The following IGDCC4 variants were observed in gnomAD, a reference collection of about 807,000 sequenced individuals.
The protein encoded by IGDCC4 is likely ortholog of mouse neighbor of Punc E11.
IGDCC4 carries 72 observed loss-of-function variants against 116.6 expected under a neutral mutation model. The observed-to-expected ratio is 0.62, with a 90% CI of 0.51 to 0.75. The LOEUF (loss-of-function observed/expected upper bound fraction) is 0.75, where lower values mean the gene tolerates loss of function less well. IGDCC4 is among the 30% of genes least tolerant of loss of function. The pLI is 0.00. For missense variants in IGDCC4, 1,501 were observed against 1,662.4 expected, an observed-to-expected ratio of 0.90 and a Z score of 1.69; for synonymous variants, 709 against 719.9, an observed-to-expected ratio of 0.98 and a Z score of 0.24.
rs546708561 is a variant in IGDCC4, at chr15:65,384,276, C to T, written c.3486G>A (p.Glu1162=). Residue 1162 remains glutamate, a synonymous_variant, in exon 20 of 20, where the codon GAG becomes GAA. Coordinates refer to ENST00000352385, the MANE Select transcript of IGDCC4 (RefSeq NM_020962.3). The surrounding 1 kb of genome is among the most constrained non-coding windows in gnomAD (Gnocchi z 4.9). The part of the protein sequence containing the change: ...DLEPEDPLPP[E]APDLISGVGD... ...CAACACCCGAGATGAGATCAGGAGC[C>T]TCTGGAGGCAGGGGGTCCTCAGGCT... 6 of 1,607,382 alleles carry T rather than the reference C, an allele frequency of 3.7e-6. No homozygotes were observed. Among genetic ancestry groups the T allele is most frequent in the African/African-American group, 1.3e-5 (1 of 74,854 alleles).
At position 65,385,911 on chromosome 15, in the gene IGDCC4, A is replaced by T. The variant is rs368294321; in HGVS notation, c.3100T>A (p.Ser1034Thr). The T allele has an allele frequency of 6.2e-7, 1 of 1,606,658 alleles. No individual in the cohort carries two copies. The highest frequency in any genetic ancestry group is 1.4e-5 in the African/African-American group (1 of 73,038). The change falls in exon 18 of 20, where the codon TCA becomes ACA. Residue 1034 changes from serine (S) to threonine (T), a missense_variant. Physicochemically the swap from Ser to Thr is moderately conservative, Grantham distance 58. Around this residue, in one of 3 missense-constraint regions of IGDCC4, gnomAD observed 368 missense variants for 355.6 expected, o/e 1.03. Coordinates refer to ENST00000352385, the MANE Select transcript of IGDCC4 (RefSeq NM_020962.3). ...ACTTCAGCCCTGTCCTCCACGTCTGAGGGTGGCGGGGACCAGTCCTGGGGA... is the reference window on the plus strand; with the variant it reads ...ACTTCAGCCCTGTCCTCCACGTCTGTGGGTGGCGGGGACCAGTCCTGGGGA... ...PHPQDWSPPP[S>T]DVEDRAEVHS...
In IGDCC4 at chr15:65,385,984, G is replaced by A; in HGVS notation, c.3027C>T (p.Pro1009=). The A allele has an allele frequency of 2.5e-6, 4 of 1,599,776 alleles. No homozygotes were observed. The highest frequency in any genetic ancestry group is 3.4e-6 in the Non-Finnish European group (4 of 1,173,616). ...ATTCATGGGCAGCTGGGGGGCTGGG[G>A]GGGCCAAGCCGAGCTCTGGAGTACA... The part of the protein sequence containing the change: ...PALYSRARLG[P]PSPPAAHELE... Residue 1009 remains proline, a synonymous_variant, in exon 18 of 20, where the codon CCC becomes CCT. Transcript: ENST00000352385.
At position 65,395,746 on chromosome 15, in the gene IGDCC4, G is replaced by T. The variant is rs372081745; in HGVS notation, c.1411+4C>A. On this transcript the variant is annotated splice_donor_region_variant and intron_variant, in intron 7 of 19. Transcript: ENST00000352385. ...CTGGTGCATCCCGCCCCAGGCCGAC[G>T]TACCCCGTGCCTTCTGGTAGTGGAG... The T allele has an allele frequency of 7.0e-7, 1 of 1,435,920 alleles. No homozygotes were observed. The highest frequency in any genetic ancestry group is 2.8e-5 in the East Asian group (1 of 36,070). 88.9% of individuals were successfully genotyped at this position (1,435,920 alleles called of 1,614,324 possible). A position where few individuals can be genotyped will look rare whatever the true frequency, so the allele number is the denominator to read the frequency against.
intron 5 of IGDCC4, among the ~76,000 whole-genome samples, chr15:65,399,260 C>T (rs892680548): frequency 1.3e-5 from 2 of 151,938 alleles, no homozygotes; most frequent in African/African-American, 2.4e-5. Context: ...TGTTTAAGCC[C>T]AGGAGTTTGA....
chr15:65,400,567 T>C (rs2062974144), intron 5 of IGDCC4, among the ~76,000 whole-genome samples: 1 of 152,168 alleles, frequency 6.6e-6, no homozygotes, highest in Non-Finnish European at 1.5e-5. Context: ...GTTCTGTAAG[T>C]GGCAGCTTGG....
At chr15:65,411,424 G>T in intron 1 of IGDCC4, 54 bp from the exon 2 acceptor site, 1 of 1,431,202 alleles carries the variant, frequency 7.0e-7, no homozygotes, top group Non-Finnish European at 9.3e-7. Context: ...ACCTCCCACA[G>T]CCTCTGCTCC....
Position 65,392,119 on chromosome 15 carries a change from C to A in IGDCC4, c.2122+15G>T. 1 of 1,564,628 alleles carries A rather than the reference C, an allele frequency of 6.4e-7. No homozygotes were observed. The highest frequency in any genetic ancestry group is 2.3e-5 in the East Asian group (1 of 44,242). ...AGCTACATCCCTCCCTCCCCCTCCC[C>A]CCAGCCCTCCTCACCTAGCTGGGTC... On this transcript the variant is annotated intron_variant, in intron 11 of 19. Coordinates refer to ENST00000352385, the MANE Select transcript of IGDCC4 (RefSeq NM_020962.3).
At chr15:65,405,035 G>A (rs1476023569) in intron 3 of IGDCC4, among the ~76,000 whole-genome samples, 2 of 150,942 alleles carry the variant, frequency 1.3e-5, no homozygotes, top group East Asian at 3.9e-4. Flanking sequence ...CTGGGTGGCA[G>A]AGTGAGTCCC....
Position 65,395,894 on chromosome 15 carries a change from C to T in IGDCC4, c.1267G>A (p.Val423Met), listed in dbSNP as rs141421172. The T allele has an allele frequency of 1.9e-6, 3 of 1,589,964 alleles. No homozygotes were observed. In the South Asian group the frequency reaches 3.4e-5, roughly 18 times the overall value. ...GCGCTGGGCAGCCCCTCGCGCACCA[C>T]CACGGCCAGCGACGCGGCAGCGCAC... Reference protein sequence around the residue: ...MACAAASLAVVVREGLPSAPT... With the variant: ...MACAAASLAVMVREGLPSAPT... The change falls in exon 7 of 20, where the codon GTG (valine) becomes ATG (methionine). Residue 423 changes from valine (V) to methionine (M), a missense_variant. Val to Met is a conservative substitution (Grantham distance 21, BLOSUM62 1). Around this residue, in one of 3 missense-constraint regions of IGDCC4, gnomAD observed 898 missense variants for 978.9 expected, o/e 0.92. Coordinates refer to ENST00000352385, the MANE Select transcript of IGDCC4 (RefSeq NM_020962.3).
chr15:65,383,846 T>C lies in IGDCC4; in HGVS notation c.*163A>G, dbSNP rs1006873526. 4 of 555,682 alleles carry C rather than the reference T, an allele frequency of 7.2e-6. No homozygotes were observed. In the African/African-American group the frequency reaches 7.6e-5, roughly 11 times the overall value. 34.4% of individuals were successfully genotyped at this position (555,682 alleles called of 1,614,324 possible). The stretch of plus-strand genomic sequence containing the variant: ...TGTATCACAAAGAGTATGGGGGGAG[T>C]GAATAATCCATGTTTTCCTCTCCCC... On this transcript the variant is annotated 3_prime_UTR_variant, in exon 20 of 20. Transcript: ENST00000352385.
intron 1 of IGDCC4, among the ~76,000 whole-genome samples, chr15:65,418,709 G>T (rs2063165003): frequency 6.6e-6 from 1 of 152,170 alleles, no homozygotes; most frequent in South Asian, 2.1e-4. Context: ...CTCCCTCAGA[G>T]CCATGCTTAC....
chr15:65,410,380 G>T, intron 2 of IGDCC4, 61 bp from the exon 3 acceptor site: 1 of 1,596,428 alleles, frequency 6.3e-7, no homozygotes, highest in Non-Finnish European at 8.6e-7. Flanking sequence ...GCCACAGCAA[G>T]CACAAACAGT....
intron 1 of IGDCC4, among the ~76,000 whole-genome samples, chr15:65,421,337 C>T (rs916018626): frequency 1.3e-5 from 2 of 152,172 alleles, no homozygotes; most frequent in Non-Finnish European, 2.9e-5. Context: ...GGGAACTATT[C>T]CTTAATCCCC....
intron 12 of IGDCC4, 58 bp from the exon 13 acceptor site, chr15:65,390,396 G>A: frequency 2.8e-6 from 4 of 1,415,500 alleles, no homozygotes; most frequent in Non-Finnish European, 2.9e-6. Context: ...CCTTAAATAT[G>A]TATAGTGGTT....
At chr15:65,399,471 A>AG (rs1317260617) in intron 5 of IGDCC4, among the ~76,000 whole-genome samples, 4 of 144,600 alleles carry the variant, frequency 2.8e-5, no homozygotes, top group Non-Finnish European at 1.5e-5. Flanking sequence ...AAAAAAAAAA[A>AG]GATTCCTGGA....
chr15:65,390,524 G>A (rs2091504761), intron 12 of IGDCC4, among the ~76,000 whole-genome samples, 186 bp from the exon 13 acceptor site: 1 of 152,130 alleles, frequency 6.6e-6, no homozygotes, highest in African/African-American at 2.4e-5. Context: ...TTTGACTGTG[G>A]AACACTAGTC....
Position 65,394,481 on chromosome 15 carries a change from C to T in IGDCC4, c.1644G>A (p.Leu548=), listed in dbSNP as rs1403628318. The change falls in exon 9 of 20, where the codon CTG becomes CTA. Residue 548 remains leucine, a synonymous_variant. Transcript: ENST00000352385. ...PNPSDIRVAW[L]PLPPSLSNGQ... ...CATTGCTCAGGCTGGGGGGCAGGGG[C>T]AGCCACGCCACCCTGATGTCCGAAG... 1.9e-6 allele frequency: 3 copies of T among 1,613,858 alleles called. No homozygotes were observed. Among genetic ancestry groups the T allele is most frequent in the Non-Finnish European group, 2.5e-6 (3 of 1,179,876 alleles).
At chr15:65,398,615 C>A (rs949283616) in intron 5 of IGDCC4, among the ~76,000 whole-genome samples, 2 of 148,118 alleles carry the variant, frequency 1.4e-5, no homozygotes, top group South Asian at 4.4e-4. Context: ...GCGGTGGCTC[C>A]TGTCTGTAAT....
intron 1 of IGDCC4, among the ~76,000 whole-genome samples, chr15:65,420,120 T>C (rs1282038313): frequency 6.6e-6 from 1 of 152,124 alleles, no homozygotes; most frequent in African/African-American, 2.4e-5. Flanking sequence ...CCAACTTTTG[T>C]ATTTTTAGTA....
Sources: gnomAD v4.1 joint callset for allele counts (sites outside exome capture counted in the v4.1 genomes callset) on GRCh38, gnomAD v4.1.1 for gene constraint, gnomAD v4.1.1 regional missense constraint, Gnocchi (gnomAD v3.1) non-coding constraint, MANE v1.5 for transcripts, NCBI Gene and HGNC (gene_info 2026-07-23, HGNC 2026-07-21) for gene names.